Variants in UBAP2 observed in about 807,000 individuals in gnomAD.
UBAP2 encodes the protein ubiquitin associated protein 2, also known as ubiquitin-associated protein 2.
UBAP2 carries 75 observed loss-of-function variants against 139.6 expected under a neutral mutation model. That is an observed-to-expected ratio of 0.54 (90% CI 0.45 to 0.65). The LOEUF is 0.65. Ranked by LOEUF, UBAP2 falls within the 30% of genes least tolerant of loss-of-function variation. The probability of loss-of-function intolerance (pLI) is 0.00; values close to 1 mark genes in which losing one functional copy is unlikely to be tolerated. For missense variants in UBAP2, 1,368 were observed against 1,369.6 expected (o/e 1.00, Z 0.02); for synonymous variants, 526 against 526.2 (o/e 1.00, Z 0.01).
intron 1 of UBAP2, among the ~76,000 whole-genome samples, chr9:34,031,282 A>G (rs1048239675): frequency 6.6e-6 from 1 of 151,810 alleles, no homozygotes; most frequent in African/African-American, 2.4e-5. Context: ...AGTCTCAAAA[A>G]AAAAAAAAAA....
At chr9:33,924,314 G>A (rs10971794) in intron 22 of UBAP2, 30 bp from the exon 23 acceptor site, 157,254 of 1,600,316 alleles carry the variant, frequency 0.098, 9,115 homozygotes, top group Non-Finnish European at 0.11. Flanking sequence ...CTTGATCAGC[G>A]ACTGGCCCTG....
At chr9:34,025,367 T>C (rs1172280553) in intron 1 of UBAP2, among the ~76,000 whole-genome samples, 1 of 152,100 alleles carries the variant, frequency 6.6e-6, no homozygotes, top group Non-Finnish European at 1.5e-5. Context: ...GAGCAAAAGA[T>C]TCTAAAAATA....
At chr9:33,982,134 T>TA (rs971597430) in intron 6 of UBAP2, among the ~76,000 whole-genome samples, 21 of 151,984 alleles carry the variant, frequency 1.4e-4, no homozygotes, top group South Asian at 4.2e-4. Flanking sequence ...AGGAAAGTCC[T>TA]AAAAAAAATC....
chr9:34,032,956 T>C (rs375474987), intron 1 of UBAP2, among the ~76,000 whole-genome samples: 3 of 151,264 alleles, frequency 2.0e-5, no homozygotes, highest in African/African-American at 7.3e-5. Context: ...TGCTTCTTGA[T>C]ACTCTAAGCC....
chr9:33,935,871 T>C lies in UBAP2; in HGVS notation c.1937A>G (p.His646Arg). Residue 646 changes from histidine (H) to arginine (R), a missense_variant, in exon 17 of 29, where the codon CAT becomes CGT. Coordinates refer to ENST00000379238, the MANE Select transcript of UBAP2 (RefSeq NM_001370062.2). The stretch of plus-strand genomic sequence containing the variant: ...TGTCTGCTGACTTCGACCACCACCA[T>C]GTCCATTCTATAAGGAAAAGAAGAG... The part of the protein sequence containing the change: ...ESAPGTIMNG[H>R]GGGRSQQTLD... 1 of 1,612,946 alleles carries C rather than the reference T, an allele frequency of 6.2e-7. No homozygotes were observed. Among genetic ancestry groups the C allele is most frequent in the Non-Finnish European group, 8.5e-7 (1 of 1,179,760 alleles).
At chr9:34,032,827 G>A (rs1324029327) in intron 1 of UBAP2, among the ~76,000 whole-genome samples, 4 of 151,762 alleles carry the variant, frequency 2.6e-5, no homozygotes, top group East Asian at 3.9e-4. Flanking sequence ...CAGAGGCTGG[G>A]GCACGAGAAT....
intron 6 of UBAP2, among the ~76,000 whole-genome samples, chr9:33,978,323 ACAG>A (rs1383668794): frequency 6.6e-6 from 1 of 152,078 alleles, no homozygotes; most frequent in African/African-American, 2.4e-5. Context: ...CACTTGAGCC[ACAG>A]TAGTTTGAGA....
intron 1 of UBAP2, among the ~76,000 whole-genome samples, chr9:34,046,368 T>G (rs986336794): frequency 3.3e-5 from 5 of 151,194 alleles, no homozygotes; most frequent in African/African-American, 9.7e-5. Flanking sequence ...AAAGGCTTCA[T>G]GCCGGGCGGG....
intron 22 of UBAP2, among the ~76,000 whole-genome samples, chr9:33,926,079 A>G (rs1318397774): frequency 6.6e-6 from 1 of 152,208 alleles, no homozygotes; most frequent in Non-Finnish European, 1.5e-5. Context: ...ACCACCAGGG[A>G]CGTCCCAGGG....
intron 18 of UBAP2, 96 bp from the exon 19 acceptor site, chr9:33,932,724 ATAGTCCC>A (rs1435258899): frequency 7.6e-7 from 1 of 1,319,844 alleles, no homozygotes; most frequent in Non-Finnish European, 1.1e-6. Flanking sequence ...CAAACTTATC[ATAGTCCC>A]TAGCACAGGA....
At chr9:34,014,587 C>A (rs1194405242) in intron 2 of UBAP2, among the ~76,000 whole-genome samples, 3 of 151,846 alleles carry the variant, frequency 2.0e-5, no homozygotes, top group East Asian at 1.9e-4. Flanking sequence ...TGAGATGGCA[C>A]CATTGCACTC....
chr9:33,932,846 C>A (rs931115129), intron 18 of UBAP2, among the ~76,000 whole-genome samples: 4 of 152,210 alleles, frequency 2.6e-5, no homozygotes, highest in Admixed American at 1.3e-4. Context: ...CCAGAGCCAG[C>A]TTCCCTCAAC....
At chr9:34,038,590 T>C (rs1046438388) in intron 1 of UBAP2, among the ~76,000 whole-genome samples, 1 of 152,184 alleles carries the variant, frequency 6.6e-6, no homozygotes. Context: ...CAGTGCTCAA[T>C]GTTGCCCAGG....
intron 1 of UBAP2, among the ~76,000 whole-genome samples, chr9:34,045,699 T>A: frequency 6.6e-6 from 1 of 152,220 alleles, no homozygotes; most frequent in East Asian, 1.9e-4. Context: ...AGGAGCATCT[T>A]TGAGAAACTT....
At chr9:33,981,704 T>C (rs1820770119) in intron 6 of UBAP2, among the ~76,000 whole-genome samples, 2 of 151,670 alleles carry the variant, frequency 1.3e-5, no homozygotes, top group South Asian at 4.2e-4. Context: ...GTTCATGAGT[T>C]TGATACTAGC....
rs370690451 is a variant in UBAP2, at chr9:33,971,544, T to C, written c.679+107A>G. On this transcript the variant is annotated intron_variant, in intron 8 of 28. Coordinates refer to ENST00000379238, the MANE Select transcript of UBAP2 (RefSeq NM_001370062.2). The stretch of plus-strand genomic sequence containing the variant: ...CAGAGGTAGGACAGTAGCCTGTTTT[T>C]CATTCTTTTCCATCAGCACATTTAG... 11 of 727,990 alleles carry C rather than the reference T, an allele frequency of 1.5e-5. No individual in the cohort carries two copies. The African/African-American group carries it at 1.9e-4, about 13-fold the overall frequency. The allele number at this position is 727,990 out of a possible 1,614,324, so 45.1% of individuals were successfully genotyped here.
At chr9:33,954,134 T>C (rs754997412) in intron 11 of UBAP2, among the ~76,000 whole-genome samples, 3 of 152,094 alleles carry the variant, frequency 2.0e-5, no homozygotes, top group Non-Finnish European at 4.4e-5. Context: ...CTCAAACTCC[T>C]GCTCTCAAGT....
rs1173781682 is a variant in UBAP2, at chr9:33,980,220, C to CTTTTTTTTTTTTTTTTTTTTTTTTTT, written c.520+6514_520+6539dup. Among the ~76,000 whole-genome samples, 14 of 49,134 alleles carry CTTTTTTTTTTTTTTTTTTTTTTTTTT rather than the reference C, an allele frequency of 2.8e-4. 4 individuals carry two copies. The highest frequency in any genetic ancestry group is 4.0e-4 in the Non-Finnish European group (11 of 27,464). The allele number at this position is 49,134 out of a possible 152,430, so 32.2% of individuals were successfully genotyped here. ...TTAATCCAAATCCTGAGTGTCATTT[C>CTTTTTTTTTTTTTTTTTTTTTTTTTT]TTTTTTTTTTTTTTTTTTTTTTTTT... On this transcript the variant is annotated intron_variant, in intron 6 of 28. Transcript: ENST00000379238.
chr9:34,044,395 T>C (rs10738920), intron 1 of UBAP2, among the ~76,000 whole-genome samples: 144,743 of 150,774 alleles, frequency 0.96, 69,605 homozygotes, highest in Non-Finnish European at 1. Context: ...AGCAAGACTC[T>C]GTCTCGAAAA....
Sources: gnomAD v4.1 joint callset for allele counts (sites outside exome capture counted in the v4.1 genomes callset) on GRCh38, gnomAD v4.1.1 for gene constraint, MANE v1.5 for transcripts, NCBI Gene and HGNC (gene_info 2026-07-23, HGNC 2026-07-21) for gene names.